Variants in KRT72 observed in about 807,000 individuals in gnomAD.
KRT72 encodes the protein keratin 72, also known as keratin, type II cytoskeletal 72.
KRT72 carries 44 observed loss-of-function variants against 44.7 expected under a neutral mutation model. The ratio of observed to expected loss-of-function variants is 0.98; its 90% CI spans 0.77 to 1.27. KRT72 has a LOEUF of 1.27. KRT72 is among the 50% of genes most tolerant of loss of function. The probability of loss-of-function intolerance (pLI) is 0.00; values close to 1 mark genes in which losing one functional copy is unlikely to be tolerated. For synonymous variants in KRT72, 302 were observed against 280.4 expected (o/e 1.08, Z -0.77); for missense variants, 736 against 667.1 (o/e 1.10, Z -1.14).
At chr12:52,595,298 A>C (rs945136036) in intron 2 of KRT72, among the ~76,000 whole-genome samples, 4 of 152,144 alleles carry the variant, frequency 2.6e-5, no homozygotes, top group African/African-American at 7.2e-5. Context: ...TTAAAAGTTA[A>C]ATCATTAAAA....
chr12:52,587,816 T>C lies in KRT72; in HGVS notation c.1125A>G (p.Glu375=), dbSNP rs779025679. Residue 375 remains glutamate (E), a synonymous_variant, in exon 7 of 9, where the codon GAA becomes GAG. Transcript: ENST00000293745. ...CTTTCAGGGCGCAGTCCCCCCGCTG[T>C]TCAGCGTCGGCGATGGCCGTCTCCA... is the stretch of plus-strand genomic sequence containing the variant. The part of the protein sequence containing the change: ...ADLETAIADA[E]QRGDCALKDA... 6.2e-7 allele frequency: 1 copy of C among 1,614,132 alleles called. No homozygotes were observed. The highest frequency in any genetic ancestry group is 8.5e-7 in the Non-Finnish European group (1 of 1,180,018).
At chr12:52,601,676 G>A (rs2120828715), upstream of KRT72, 8 of 571,404 alleles carry the variant, frequency 1.4e-5, no homozygotes, top group South Asian at 1.7e-4. Flanking sequence ...AACTCCCCAT[G>A]AATCCCTGTA....
chr12:52,600,928 A>G, intron 1 of KRT72, 99 bp downstream of exon 1: 2 of 1,330,854 alleles, frequency 1.5e-6, no homozygotes, highest in Non-Finnish European at 2.1e-6. Flanking sequence ...CGGAGAGGTT[A>G]TGACCCGCCC....
chr12:52,601,344 G>C lies in KRT72; in HGVS notation c.109C>G (p.Arg37Gly), dbSNP rs1279100393. ...IGSSSASFRA[R>G]VKGSASFGSK... is the part of the protein sequence containing the mutation. Reference sequence around the variant, plus strand: ...CCAAAGGAGGCCGAGCCCTTGACCCGGGCCCGGAATGAGGCGGAGCTGCTG... The same window carrying C: ...CCAAAGGAGGCCGAGCCCTTGACCCCGGCCCGGAATGAGGCGGAGCTGCTG... The change falls in exon 1 of 9, where the codon CGG becomes GGG. Residue 37 changes from arginine to glycine, a missense_variant. Physicochemically the swap from Arg to Gly is moderately radical, Grantham distance 125. Transcript: ENST00000293745. 1 of 1,545,020 alleles carries C rather than the reference G, an allele frequency of 6.5e-7. No homozygotes were observed. Among genetic ancestry groups the C allele is most frequent in the Non-Finnish European group, 8.7e-7 (1 of 1,146,846 alleles).
intron 4 of KRT72, 151 bp from the exon 5 acceptor site, chr12:52,591,779 G>C (rs1173059449): frequency 2.7e-6 from 2 of 733,532 alleles, no homozygotes; most frequent in African/African-American, 3.5e-5. Context: ...GGCACGTGAA[G>C]AAGTGCCTTA....
chr12:52,594,465 T>C (rs535017898), intron 2 of KRT72, among the ~76,000 whole-genome samples: 1 of 152,298 alleles, frequency 6.6e-6, no homozygotes, highest in South Asian at 2.1e-4. Flanking sequence ...TGTAGGGACA[T>C]GGATGAAGCT....
At chr12:52,586,425 G>T (rs895405469) in intron 8 of KRT72, among the ~76,000 whole-genome samples, 2 of 152,188 alleles carry the variant, frequency 1.3e-5, no homozygotes, top group Non-Finnish European at 1.5e-5. Context: ...CCATGGGCAA[G>T]ACCAAATGAA....
chr12:52,600,657 C>T (rs1339222940), intron 1 of KRT72, among the ~76,000 whole-genome samples: 2 of 152,034 alleles, frequency 1.3e-5, no homozygotes, highest in South Asian at 2.1e-4. Flanking sequence ...CCATATAAGA[C>T]GTGACTTTGG....
rs1940323024 is a variant in KRT72 at position 52,599,110 on chromosome 12, C to T, written c.429G>A (p.Val143=). The T allele has an allele frequency of 1.2e-6, 2 of 1,613,760 alleles. No individual in the cohort carries two copies. Among genetic ancestry groups the T allele is most frequent in the Non-Finnish European group, 1.7e-6 (2 of 1,179,848 alleles). The part of the protein sequence containing the change: ...NNKFASFIDK[V]RFLEQQNQVL... ...CCTGATTCTGCTGCTCCAGGAACCG[C>T]ACCTGGAACCCAAAGGCAGTCATCG... Residue 143 remains valine (V), a splice_region_variant and synonymous_variant, in exon 2 of 9, where the codon GTG becomes GTA. Coordinates refer to ENST00000293745, the MANE Select transcript of KRT72 (RefSeq NM_080747.3).
chr12:52,592,412 T>C lies in KRT72; in HGVS notation c.782A>G (p.Lys261Arg), dbSNP rs1940069450. The C allele has an allele frequency of 7.4e-6, 12 of 1,612,696 alleles. No homozygotes were observed. Among genetic ancestry groups the C allele is most frequent in the Non-Finnish European group, 1.0e-5 (12 of 1,178,698 alleles). Reference protein sequence around the residue: ...DSLTDEIKFFKCLYEGEITQI... With the variant: ...DSLTDEIKFFRCLYEGEITQI... ...AGTCCTTACCCCTTCATAAAGGCAC[T>C]TGAAGAATTTAATCTCATCTGTCAA... is the stretch of plus-strand genomic sequence containing the variant. The change falls in exon 4 of 9, where the codon AAG (lysine) becomes AGG (arginine). Residue 261 changes from lysine to arginine, a missense_variant. Coordinates refer to ENST00000293745, the MANE Select transcript of KRT72 (RefSeq NM_080747.3).
At chr12:52,599,213 G>T in intron 1 of KRT72, 101 bp from the exon 2 acceptor site, 1 of 1,092,760 alleles carries the variant, frequency 9.2e-7, no homozygotes, top group Non-Finnish European at 1.4e-6. Flanking sequence ...CTGGGGGACT[G>T]GGGGTAGGAG....
Position 52,599,096 on chromosome 12 carries a change from T to A in KRT72, c.443A>T (p.Gln148Leu), listed in dbSNP as rs767980359. ...SFIDKVRFLE[Q>L]QNQVLETKWN... The stretch of plus-strand genomic sequence containing the variant: ...CTTGGTCTCTAGCACCTGATTCTGC[T>A]GCTCCAGGAACCGCACCTGGAACCC... Residue 148 changes from glutamine to leucine, a missense_variant, in exon 2 of 9, where the codon CAG becomes CTG. Coordinates refer to ENST00000293745, the MANE Select transcript of KRT72 (RefSeq NM_080747.3). 1 of 1,614,156 alleles carries A rather than the reference T, an allele frequency of 6.2e-7. No homozygotes were observed. The highest frequency in any genetic ancestry group is 8.5e-7 in the Non-Finnish European group (1 of 1,180,016).
chr12:52,601,867 G>T (rs1940478903), upstream of KRT72, among the ~76,000 whole-genome samples: 1 of 152,212 alleles, frequency 6.6e-6, no homozygotes, highest in Non-Finnish European at 1.5e-5. Context: ...GTGTGAAGCA[G>T]AAGTCCAGGC....
chr12:52,589,649 C>A (rs675229), intron 6 of KRT72, among the ~76,000 whole-genome samples: 4 of 152,040 alleles, frequency 2.6e-5, no homozygotes, highest in African/African-American at 7.2e-5. Context: ...GACATGGTGG[C>A]CTTCTTTGAT....
At position 52,587,638 on chromosome 12, in the gene KRT72, C is replaced by T. The variant is rs767089241; in HGVS notation, c.1303G>A (p.Glu435Lys). 15 of 1,614,196 alleles carry T rather than the reference C, an allele frequency of 9.3e-6. No individual in the cohort carries two copies. In the South Asian group the frequency reaches 1.5e-4, roughly 17 times the overall value. The part of the protein sequence containing the change: ...ATYRKLLESE[E>K]CRMSGEYPNS... ...GGGTATCCGGCCCCTCACCTGCACT[C>T]CTCGCTCTCCAGCAGCTTGCGGTAG... The change falls in exon 7 of 9, where the codon GAG (glutamate) becomes AAG (lysine). Residue 435 changes from glutamate (E) to lysine (K), a missense_variant. By Grantham distance (56) the Glu-to-Lys change is moderately conservative. Transcript: ENST00000293745.
chr12:52,593,409 A>G (rs1301412442), intron 2 of KRT72, among the ~76,000 whole-genome samples: 1 of 152,208 alleles, frequency 6.6e-6, no homozygotes, highest in Admixed American at 6.5e-5. Context: ...TTTCTGTTCC[A>G]GGTGAAGCAG....
chr12:52,590,530 A>G (rs1939961412), intron 6 of KRT72, among the ~76,000 whole-genome samples: 2 of 152,290 alleles, frequency 1.3e-5, no homozygotes, highest in South Asian at 4.1e-4. Context: ...TGCTGTGCAC[A>G]TCACTACCTA....
chr12:52,600,056 C>G (rs1940363324), intron 1 of KRT72, among the ~76,000 whole-genome samples: 1 of 152,188 alleles, frequency 6.6e-6, no homozygotes, highest in South Asian at 2.1e-4. Context: ...CCTCTCCACT[C>G]ACTGGGGTCA....
chr12:52,600,409 C>A (rs573085353), intron 1 of KRT72, among the ~76,000 whole-genome samples: 96 of 152,280 alleles, frequency 6.3e-4, no homozygotes, highest in Admixed American at 1.3e-3. Context: ...TTGTCTCATG[C>A]AAGAAAGAAA....
Sources: allele counts gnomAD v4.1 joint callset (sites outside exome capture counted in the v4.1 genomes callset), GRCh38; gene constraint gnomAD v4.1.1; transcripts MANE v1.5; gene names NCBI Gene and HGNC (gene_info 2026-07-23, HGNC 2026-07-21).